Variants in ELMO1 observed in about 807,000 individuals in gnomAD.
The protein encoded by ELMO1 is engulfment and cell motility protein 1.
Under a neutral mutation model 98.9 loss-of-function variants are expected in ELMO1, and 26 were observed. That is an observed-to-expected ratio of 0.26 (90% confidence interval 0.19 to 0.36). The LOEUF (loss-of-function observed/expected upper bound fraction) is 0.36, where lower values mean the gene tolerates loss of function less well. ELMO1 is among the 10% of genes least tolerant of loss of function. ELMO1 has a pLI of 1.00. For missense variants in ELMO1, 627 were observed against 935.2 expected (o/e 0.67, Z 4.30); for synonymous variants, 346 against 346.0 (o/e 1.00, Z 0.00).
At position 36,887,585 on chromosome 7, in the gene ELMO1, C is replaced by T; in HGVS notation, c.1689G>A (p.Arg563=). The change falls in exon 18 of 22, where the codon AGG becomes AGA. Residue 563 remains arginine, a synonymous_variant. Transcript: ENST00000310758. ...CTTGCCTCCGCCGGGCATTGAGTTT[C>T]CTAAAGCAGGTCCCTTCCACAAGGC... The part of the protein sequence containing the change: ...LNRLVEGTCF[R]KLNARRRQDK... 3 of 1,614,090 alleles carry T rather than the reference C, an allele frequency of 1.9e-6. No homozygotes were observed. The highest frequency in any genetic ancestry group is 2.2e-5 in the South Asian group (2 of 91,076).
intron 15 of ELMO1, among the ~76,000 whole-genome samples, chr7:37,071,045 A>G (rs192676075): frequency 1.3e-5 from 2 of 152,340 alleles, no homozygotes; most frequent in African/African-American, 4.8e-5. Context: ...AACTTTTAGG[A>G]GAACTGAAAA....
intron 15 of ELMO1, among the ~76,000 whole-genome samples, chr7:37,085,386 A>C (rs1156567948): frequency 6.6e-6 from 1 of 152,140 alleles, no homozygotes; most frequent in Non-Finnish European, 1.5e-5. Flanking sequence ...TTTGGTTTTG[A>C]AAACTTTACA....
At chr7:37,344,492 T>C (rs754120701) in intron 1 of ELMO1, among the ~76,000 whole-genome samples, 1 of 152,236 alleles carries the variant, frequency 6.6e-6, no homozygotes, top group Non-Finnish European at 1.5e-5. Context: ...ATTTGGGTGA[T>C]TTCTTAAGTT....
chr7:37,034,179 G>A (rs1795048590), intron 15 of ELMO1, among the ~76,000 whole-genome samples: 1 of 152,168 alleles, frequency 6.6e-6, no homozygotes, highest in Non-Finnish European at 1.5e-5. Flanking sequence ...GACTGTGTCT[G>A]GAGAAATGGT....
At chr7:37,316,074 A>G in intron 2 of ELMO1, 114 bp from the exon 3 acceptor site, 2 of 872,786 alleles carry the variant, frequency 2.3e-6, no homozygotes, top group Non-Finnish European at 3.6e-6. Context: ...TACATTTGCT[A>G]TTCTTAGTTG....
intron 1 of ELMO1, among the ~76,000 whole-genome samples, chr7:37,346,580 T>G (rs988492720): frequency 6.6e-6 from 1 of 152,224 alleles, no homozygotes; most frequent in African/African-American, 2.4e-5. Flanking sequence ...CAATGCGTTT[T>G]ATCTGTGCTA....
chr7:37,118,059 C>T (rs1310562811), intron 14 of ELMO1, among the ~76,000 whole-genome samples: 2 of 152,218 alleles, frequency 1.3e-5, no homozygotes, highest in Non-Finnish European at 2.9e-5. Context: ...AGCATTATTC[C>T]AATCATTTGC....
At chr7:37,070,626 T>G (rs1797218948) in intron 15 of ELMO1, among the ~76,000 whole-genome samples, 1 of 152,206 alleles carries the variant, frequency 6.6e-6, no homozygotes, top group Non-Finnish European at 1.5e-5. Flanking sequence ...GTCCCACGTG[T>G]CTTGAGCAAG....
chr7:37,174,753 G>A (rs1790409394), intron 13 of ELMO1, among the ~76,000 whole-genome samples: 2 of 152,116 alleles, frequency 1.3e-5, no homozygotes, highest in Admixed American at 6.6e-5. Context: ...TACATGGCAA[G>A]GAGAGGTCAA....
intron 1 of ELMO1, among the ~76,000 whole-genome samples, chr7:37,415,191 A>C (rs1266784821): frequency 6.6e-6 from 1 of 152,238 alleles, no homozygotes; most frequent in African/African-American, 2.4e-5. Flanking sequence ...TTGTTGGAAT[A>C]TCTCTCACTG....
At chr7:37,152,607 G>T (rs1264787679) in intron 13 of ELMO1, among the ~76,000 whole-genome samples, 1 of 152,210 alleles carries the variant, frequency 6.6e-6, no homozygotes, top group Non-Finnish European at 1.5e-5. Context: ...GTATACACAC[G>T]ATCGTAAAAG....
At position 37,336,144 on chromosome 7, in the gene ELMO1, T is replaced by C. The variant is rs116781231; in HGVS notation, c.78+6469A>G. 5.6e-3 allele frequency among the ~76,000 whole-genome samples: 857 copies of C among 152,140 alleles called. 10 individuals carry two copies. Among genetic ancestry groups the C allele is most frequent in the African/African-American group, 0.02 (814 of 41,482 alleles). On this transcript the variant is annotated intron_variant, in intron 2 of 21. Coordinates refer to ENST00000310758, the MANE Select transcript of ELMO1 (RefSeq NM_014800.11). ...CGAGAGGCTGAGGCAGGAGGATATC[T>C]TGAGCCCAGAATTAGAGGTTGCAGT...
At chr7:37,242,006 G>T (rs1179249145) in intron 7 of ELMO1, among the ~76,000 whole-genome samples, 2 of 152,088 alleles carry the variant, frequency 1.3e-5, no homozygotes, top group Non-Finnish European at 2.9e-5. Flanking sequence ...TCTCTCCAGT[G>T]TGAAGAACTT....
chr7:37,192,394 C>G (rs1199277216), intron 13 of ELMO1, among the ~76,000 whole-genome samples: 1 of 150,182 alleles, frequency 6.7e-6, no homozygotes, highest in African/African-American at 2.5e-5. Context: ...ACTCGGGAGG[C>G]TGAGGCAGTA....
At chr7:37,173,512 T>C (rs1266918471) in intron 13 of ELMO1, among the ~76,000 whole-genome samples, 1 of 152,110 alleles carries the variant, frequency 6.6e-6, no homozygotes, top group Non-Finnish European at 1.5e-5. Context: ...TGAAGCTACA[T>C]TGCAAAAGCA....
At chr7:37,403,072 A>C (rs1005065878) in intron 1 of ELMO1, among the ~76,000 whole-genome samples, 2 of 152,248 alleles carry the variant, frequency 1.3e-5, no homozygotes, top group Non-Finnish European at 2.9e-5. Flanking sequence ...ACGAATGAAT[A>C]AACTGTAGTA....
intron 4 of ELMO1, among the ~76,000 whole-genome samples, chr7:37,274,713 C>T (rs1432076223): frequency 2.0e-5 from 3 of 152,182 alleles, no homozygotes; most frequent in Non-Finnish European, 4.4e-5. Context: ...TCACCAAGCC[C>T]GGCTAATTTT....
chr7:37,428,423 A>G (rs1190475363), intron 1 of ELMO1, among the ~76,000 whole-genome samples: 1 of 152,302 alleles, frequency 6.6e-6, no homozygotes. Context: ...GGAACATTCA[A>G]CTCCAGACAG....
chr7:37,331,777 G>C (rs1800138772), intron 2 of ELMO1, among the ~76,000 whole-genome samples: 1 of 151,992 alleles, frequency 6.6e-6, no homozygotes, highest in Non-Finnish European at 1.5e-5. Context: ...AAAAAGATGA[G>C]GGAGAAAAAA....
Sources: allele counts gnomAD v4.1 joint callset (sites outside exome capture counted in the v4.1 genomes callset), GRCh38; gene constraint gnomAD v4.1.1; transcripts MANE v1.5; gene names NCBI Gene and HGNC (gene_info 2026-07-23, HGNC 2026-07-21).